ZBTB7C: variants seen among roughly 807,000 people sequenced by gnomAD.
ZBTB7C encodes the protein zinc finger and BTB domain-containing protein 7C.
A neutral mutation model predicts 25.7 loss-of-function variants in ZBTB7C; 8 were observed. The observed-to-expected ratio is 0.31, with a 90% CI of 0.18 to 0.56. The LOEUF (loss-of-function observed/expected upper bound fraction) is 0.56. Among genes scored for constraint, ZBTB7C ranks in the 20% least tolerant of loss-of-function variants. The pLI is 0.91. For missense variants in ZBTB7C, 824 were observed against 855.2 expected (o/e 0.96, Z 0.46); for synonymous variants, 394 against 369.0 (o/e 1.07, Z -0.78).
chr18:48,199,761 T>G (rs10460077), intron 2 of ZBTB7C, among the ~76,000 whole-genome samples: 2 of 151,838 alleles, frequency 1.3e-5, no homozygotes, highest in South Asian at 4.2e-4. Context: ...CCATTTATAG[T>G]TAAGAGTAAG....
intron 2 of ZBTB7C, among the ~76,000 whole-genome samples, chr18:48,255,030 C>A (rs1401865954): frequency 6.6e-6 from 1 of 152,178 alleles, no homozygotes; most frequent in Non-Finnish European, 1.5e-5. Context: ...TCCCACCGAA[C>A]AAATCTTATA....
chr18:48,187,695 C>A (rs1280079891), intron 2 of ZBTB7C, among the ~76,000 whole-genome samples: 1 of 151,804 alleles, frequency 6.6e-6, no homozygotes, highest in Admixed American at 6.6e-5. Flanking sequence ...GGGGCCGGTG[C>A]CTGTAGTACC....
At chr18:48,115,272 G>T (rs182335484) in intron 3 of ZBTB7C, among the ~76,000 whole-genome samples, 4 of 150,570 alleles carry the variant, frequency 2.7e-5, no homozygotes, top group Non-Finnish European at 5.9e-5. Flanking sequence ...TTTTTTAGAC[G>T]GAGTCTTGCT....
intron 3 of ZBTB7C, among the ~76,000 whole-genome samples, chr18:48,147,406 C>G (rs1369296541): frequency 6.6e-6 from 1 of 152,262 alleles, no homozygotes; most frequent in East Asian, 1.9e-4. Context: ...AACTATACCA[C>G]TGAACGTAAT....
rs368106345 is a variant in ZBTB7C, at chr18:48,406,641, G to A, written c.-304+2585C>T. ...AGGAGATGTGGAGTAAGGGGGCACT[G>A]ATTTCTATCTGTTCATGAAAGCAGA... On this transcript the variant is annotated intron_variant, in intron 1 of 4. Transcript: ENST00000590800. Among the ~76,000 whole-genome samples, 57 of 152,326 alleles carry A rather than the reference G, an allele frequency of 3.7e-4. 1 individual carries two copies. The East Asian group carries it at 0.011, about 29-fold the overall frequency.
chr18:48,052,836 A>G (rs1473217231), intron 3 of ZBTB7C, among the ~76,000 whole-genome samples: 1 of 152,126 alleles, frequency 6.6e-6, no homozygotes, highest in African/African-American at 2.4e-5. Flanking sequence ...CCCACACATG[A>G]ATCCATTTCA....
Position 48,040,093 on chromosome 18 carries a change from T to G in ZBTB7C, c.1015A>C (p.Ser339Arg). 1 of 1,609,870 alleles carries G rather than the reference T, an allele frequency of 6.2e-7. No individual in the cohort carries two copies. The highest frequency in any genetic ancestry group is 8.5e-7 in the Non-Finnish European group (1 of 1,177,986). ...NDYGAYLNFL[S>R]ATHLGGLFPP... is the part of the protein sequence containing the mutation. ...AAGAGGCCTCCCAGGTGGGTGGCAC[T>G]CAGGAAGTTGAGATAGGCACCGTAG... is the stretch of plus-strand genomic sequence containing the variant. Residue 339 changes from serine to arginine, a missense_variant, in exon 4 of 5, where the codon AGT becomes CGT. Transcript: ENST00000590800.
intron 2 of ZBTB7C, among the ~76,000 whole-genome samples, chr18:48,197,773 C>A (rs1449554068): frequency 2.0e-5 from 3 of 152,178 alleles, no homozygotes; most frequent in Non-Finnish European, 4.4e-5. Context: ...ACCTTTATGA[C>A]CTTGCTTAAT....
At chr18:48,220,729 T>C (rs530927019) in intron 2 of ZBTB7C, among the ~76,000 whole-genome samples, 1 of 152,218 alleles carries the variant, frequency 6.6e-6, no homozygotes, top group African/African-American at 2.4e-5. Flanking sequence ...ACTTTGTAAG[T>C]GCTTTACATA....
chr18:48,079,143 C>T (rs1568201019), intron 3 of ZBTB7C, among the ~76,000 whole-genome samples: 1 of 152,164 alleles, frequency 6.6e-6, no homozygotes, highest in Non-Finnish European at 1.5e-5. Flanking sequence ...TCCAGTTTTA[C>T]AGATTGGTAA....
At chr18:48,268,146 G>C (rs2044367465) in intron 2 of ZBTB7C, among the ~76,000 whole-genome samples, 1 of 152,166 alleles carries the variant, frequency 6.6e-6, no homozygotes, top group South Asian at 2.1e-4. Flanking sequence ...GGAACAGCAG[G>C]CCATGCACTT....
intron 2 of ZBTB7C, among the ~76,000 whole-genome samples, chr18:48,248,535 T>G (rs2144412051): frequency 6.6e-6 from 1 of 152,310 alleles, no homozygotes; most frequent in East Asian, 1.9e-4. Context: ...CCCTGGTCAT[T>G]GTTTGTCCTC....
At chr18:48,253,687 C>T (rs1048298350) in intron 2 of ZBTB7C, among the ~76,000 whole-genome samples, 6 of 152,160 alleles carry the variant, frequency 3.9e-5, no homozygotes, top group African/African-American at 1.4e-4. Context: ...CTCAAGTAAT[C>T]ATCAGAGTAC....
At chr18:48,363,436 A>C (rs2047156099) in intron 1 of ZBTB7C, among the ~76,000 whole-genome samples, 1 of 152,108 alleles carries the variant, frequency 6.6e-6, no homozygotes, top group Non-Finnish European at 1.5e-5. Flanking sequence ...TGCAGGATAG[A>C]CCATGTTATT....
intron 3 of ZBTB7C, among the ~76,000 whole-genome samples, chr18:48,167,307 C>T (rs1194854163): frequency 3.3e-5 from 5 of 152,326 alleles, no homozygotes; most frequent in African/African-American, 9.6e-5. Context: ...CACCCTTTGG[C>T]GCCAGAACTC....
At chr18:48,409,837 C>A (rs1406111625), upstream of ZBTB7C, among the ~76,000 whole-genome samples, 1 of 148,564 alleles carries the variant, frequency 6.7e-6, no homozygotes, top group Non-Finnish European at 1.5e-5. Context: ...TTTAAAGGGA[C>A]AGCCCCGGCA....
intron 2 of ZBTB7C, among the ~76,000 whole-genome samples, chr18:48,215,082 T>C (rs2042789793): frequency 6.6e-6 from 1 of 152,236 alleles, no homozygotes; most frequent in Admixed American, 6.5e-5. Flanking sequence ...ATAAAATACA[T>C]TGATTAATGA....
intron 2 of ZBTB7C, among the ~76,000 whole-genome samples, chr18:48,243,265 C>A (rs6507831): frequency 0.58 from 70,582 of 121,254 alleles, 19,847 homozygotes; most frequent in East Asian, 0.81. Context: ...CTCTCTACCC[C>A]CCCACAAAAA....
intron 1 of ZBTB7C, among the ~76,000 whole-genome samples, chr18:48,388,955 C>A (rs2047814687): frequency 1.3e-5 from 2 of 152,122 alleles, no homozygotes; most frequent in Non-Finnish European, 2.9e-5. Flanking sequence ...CTACACTCCA[C>A]CTTGTTCTGT....
Sources: allele counts gnomAD v4.1 joint callset (sites outside exome capture counted in the v4.1 genomes callset), GRCh38; gene constraint gnomAD v4.1.1; transcripts MANE v1.5; gene names NCBI Gene and HGNC (gene_info 2026-07-23, HGNC 2026-07-21).